The following PTBP3 variants were observed in gnomAD, a reference collection of about 807,000 sequenced individuals.
PTBP3 encodes the protein polypyrimidine tract binding protein 3.
PTBP3 carries 20 observed loss-of-function variants against 58.7 expected under a neutral mutation model. That is an observed-to-expected ratio of 0.34 (90% CI 0.24 to 0.50). The LOEUF is 0.50. Among genes scored for constraint, PTBP3 ranks in the 20% least tolerant of loss-of-function variants. The pLI, the probability that PTBP3 is intolerant of heterozygous loss-of-function variation, is 0.98. For missense variants in PTBP3, 509 were observed against 637.2 expected (o/e 0.80, Z 2.17); for synonymous variants, 185 against 219.8 (o/e 0.84, Z 1.40).
intron 1 of PTBP3, among the ~76,000 whole-genome samples, chr9:112,326,325 G>A (rs1260551458): frequency 6.6e-6 from 1 of 152,210 alleles, no homozygotes; most frequent in African/African-American, 2.4e-5. Context: ...GGGCCAGAGA[G>A]TAAGTATTTT....
At position 112,234,876 on chromosome 9, in the gene PTBP3, G is replaced by A. The variant is rs1178809183; in HGVS notation, c.824C>T (p.Ser275Leu). ...AAFGAPGIIS[S>L]PYAGAAGFAP... The stretch of plus-strand genomic sequence containing the variant: ...AAATCCAGCAGCCCCTGCATATGGT[G>A]AAGAAATTATACCCGGTGCACCTAA... The change falls in exon 8 of 14, where the codon TCA becomes TTA. Residue 275 changes from serine to leucine, a missense_variant. Ser to Leu is a moderately radical substitution (Grantham distance 145, BLOSUM62 -2). Coordinates refer to ENST00000374257, the MANE Select transcript of PTBP3 (RefSeq NM_001163788.4). 7 of 1,612,686 alleles carry A rather than the reference G, an allele frequency of 4.3e-6. No homozygotes were observed. Among genetic ancestry groups the A allele is most frequent in the Non-Finnish European group, 5.9e-6 (7 of 1,179,010 alleles).
rs138659795 is a variant in PTBP3, at chr9:112,231,470, A to C, written c.1021-57T>G. 1.3e-4 allele frequency: 189 copies of C among 1,431,280 alleles called. No individual in the cohort carries two copies. The African/African-American group carries it at 2.6e-3, about 20-fold the overall frequency. 88.7% of individuals were successfully genotyped at this position (1,431,280 alleles called of 1,614,324 possible). A position where few individuals can be genotyped will look rare whatever the true frequency, so the allele number is the denominator to read the frequency against. ...ACAATTTAAGTAAAAATTGAAAATA[A>C]GTTTATTTATACTGTAATGGCAGTT... On this transcript the variant is annotated intron_variant, in intron 9 of 13. Coordinates refer to ENST00000374257, the MANE Select transcript of PTBP3 (RefSeq NM_001163788.4).
chr9:112,277,946 TATAAC>T (rs146999681), intron 2 of PTBP3, among the ~76,000 whole-genome samples: 2,270 of 57,702 alleles, frequency 0.039, 56 homozygotes, highest in African/African-American at 0.084. Flanking sequence ...CATAACATAA[TATAAC>T]ATAACATAAC....
intron 1 of PTBP3, among the ~76,000 whole-genome samples, chr9:112,318,206 G>A (rs1223442293): frequency 1.3e-5 from 2 of 152,014 alleles, no homozygotes; most frequent in South Asian, 2.1e-4. Context: ...AGAAATAAAG[G>A]TCACCCAGAT....
upstream of PTBP3, among the ~76,000 whole-genome samples, chr9:112,336,860 G>A (rs1007312993): frequency 5.3e-5 from 8 of 152,082 alleles, no homozygotes; most frequent in Non-Finnish European, 1.2e-4. Context: ...TGTAAAAACA[G>A]TGCACCTGAC....
At chr9:112,369,184 C>A in the PTBP3 span, among the ~76,000 whole-genome samples, 1 of 152,204 alleles carries the variant, frequency 6.6e-6, no homozygotes, top group Non-Finnish European at 1.5e-5. Context: ...GGGGTGGAAA[C>A]CCCTACACAG....
At chr9:112,353,969 T>A in the PTBP3 span, among the ~76,000 whole-genome samples, 1 of 151,838 alleles carries the variant, frequency 6.6e-6, no homozygotes, top group East Asian at 1.9e-4. Context: ...AAAAAAAAAA[T>A]ATATATAGAT....
At chr9:112,366,432 C>T in the PTBP3 span, among the ~76,000 whole-genome samples, 3 of 152,108 alleles carry the variant, frequency 2.0e-5, no homozygotes, top group African/African-American at 7.2e-5. Flanking sequence ...CCAGTGTTCC[C>T]AAGCTGTGTG....
At chr9:112,354,561 C>T in the PTBP3 span, among the ~76,000 whole-genome samples, 1 of 152,264 alleles carries the variant, frequency 6.6e-6, no homozygotes, top group East Asian at 1.9e-4. Context: ...CCTCATATTG[C>T]CTCTGTTCTG....
chr9:112,351,748 C>G, the PTBP3 span, among the ~76,000 whole-genome samples: 1 of 151,872 alleles, frequency 6.6e-6, no homozygotes, highest in Non-Finnish European at 1.5e-5. Context: ...TTTTGTTGCC[C>G]AAATTTTTCC....
the PTBP3 span, among the ~76,000 whole-genome samples, chr9:112,357,331 GTGTTGT>G: frequency 3.3e-5 from 5 of 151,838 alleles, no homozygotes; most frequent in Non-Finnish European, 5.9e-5. Context: ...TGTTCTTTTT[GTGTTGT>G]TGTTGTTGTT....
chr9:112,287,073 C>T (rs1487111880), intron 2 of PTBP3, among the ~76,000 whole-genome samples: 3 of 152,134 alleles, frequency 2.0e-5, no homozygotes, highest in African/African-American at 7.2e-5. Context: ...AAGATTTACT[C>T]TGCATTCCTG....
chr9:112,262,387 G>C, intron 5 of PTBP3, 48 bp downstream of exon 5: 2 of 1,434,086 alleles, frequency 1.4e-6, no homozygotes, highest in Non-Finnish European at 1.9e-6. Context: ...AAAAGTTTCA[G>C]AGGCCATATT....
At chr9:112,342,242 C>G in the PTBP3 span, among the ~76,000 whole-genome samples, 1 of 152,174 alleles carries the variant, frequency 6.6e-6, no homozygotes, top group Non-Finnish European at 1.5e-5. Context: ...TTAGACAGAG[C>G]CGCATTACTG....
chr9:112,305,722 T>C (rs1207026655), intron 1 of PTBP3, among the ~76,000 whole-genome samples: 1 of 151,908 alleles, frequency 6.6e-6, no homozygotes, highest in East Asian at 1.9e-4. Context: ...GGGCGGATAA[T>C]GAGGTCAGGA....
At chr9:112,322,975 T>C (rs892988891) in intron 1 of PTBP3, among the ~76,000 whole-genome samples, 4 of 152,218 alleles carry the variant, frequency 2.6e-5, no homozygotes, top group African/African-American at 9.6e-5. Context: ...TGAACAGGTG[T>C]GGTGGCTCAT....
chr9:112,346,928 T>C, the PTBP3 span, among the ~76,000 whole-genome samples: 1 of 152,220 alleles, frequency 6.6e-6, no homozygotes, highest in Non-Finnish European at 1.5e-5. Context: ...TTCGCCATGT[T>C]GGCCAGGCTG....
At chr9:112,237,764 T>A (rs1439580961) in intron 7 of PTBP3, among the ~76,000 whole-genome samples, 2 of 152,158 alleles carry the variant, frequency 1.3e-5, no homozygotes, top group African/African-American at 4.8e-5. Flanking sequence ...TGCATTAACC[T>A]ATTAATATAA....
In PTBP3 at chr9:112,222,700, A is replaced by G; in HGVS notation, c.*1151T>C. ...AAAAATTTTAAATCCTTACCAAAAC[A>G]GAGAAAGAAAAAACAAAATGCTTAC... On this transcript the variant is annotated 3_prime_UTR_variant, in exon 14 of 14. Transcript: ENST00000374257. 1.0e-6 allele frequency: 1 copy of G among 982,108 alleles called. No individual in the cohort carries two copies. Among genetic ancestry groups the G allele is most frequent in the South Asian group, 4.7e-5 (1 of 21,234 alleles). The allele number at this position is 982,108 out of a possible 1,614,324, so 60.8% of individuals were successfully genotyped here. A position where few individuals can be genotyped will look rare whatever the true frequency, so the allele number is the denominator to read the frequency against.
Sources: gnomAD v4.1 joint callset for allele counts (sites outside exome capture counted in the v4.1 genomes callset) on GRCh38, gnomAD v4.1.1 for gene constraint, MANE v1.5 for transcripts, NCBI Gene and HGNC (gene_info 2026-07-23, HGNC 2026-07-21) for gene names.